Variants in PLXNA2 observed in about 807,000 individuals in gnomAD.
PLXNA2 encodes the protein plexin-A2.
PLXNA2 carries 91 observed loss-of-function variants against 193.5 expected under a neutral mutation model. The ratio of observed to expected loss-of-function variants is 0.47; its 90% CI spans 0.40 to 0.56. The LOEUF is 0.56. Among genes scored for constraint, PLXNA2 ranks in the 20% least tolerant of loss-of-function variants. The pLI is 0.00. For synonymous variants in PLXNA2, 997 were observed against 1,027.3 expected (o/e 0.97, Z 0.56); for missense variants, 1,995 against 2,503.2 (o/e 0.80, Z 4.33).
chr1:208,136,215 C>G (rs575456797), intron 4 of PLXNA2, among the ~76,000 whole-genome samples: 29 of 152,262 alleles, frequency 1.9e-4, no homozygotes, highest in Non-Finnish European at 3.4e-4. Context: ...AGAGATGAGC[C>G]GTCTTCAGTG....
intron 29 of PLXNA2, 113 bp downstream of exon 29, chr1:208,031,462 GAGCTTTGGATCACCC>G: frequency 1.5e-6 from 2 of 1,353,578 alleles, no homozygotes; most frequent in Non-Finnish European, 2.0e-6. Flanking sequence ...TTTGTTCCAG[GAGCTTTGGATCACCC>G]AGCCCCAGCC....
At chr1:208,046,302 T>C (rs1448389798) in intron 17 of PLXNA2, among the ~76,000 whole-genome samples, 185 bp from the exon 18 acceptor site, 1 of 152,206 alleles carries the variant, frequency 6.6e-6, no homozygotes, top group Non-Finnish European at 1.5e-5. Context: ...GGGGGCATTT[T>C]AGCTTCTTCA....
intron 24 of PLXNA2, 55 bp downstream of exon 24, chr1:208,039,566 C>T (rs12091128): frequency 0.014 from 21,966 of 1,607,378 alleles, 955 homozygotes; most frequent in African/African-American, 0.13. Context: ...GAAGGCAGAG[C>T]AAGGGGCAGA....
chr1:208,079,537 G>A (rs1388331605), intron 11 of PLXNA2, 87 bp from the exon 12 acceptor site: 4 of 991,678 alleles, frequency 4.0e-6, no homozygotes, highest in Non-Finnish European at 5.9e-6. Flanking sequence ...AGAAATGATA[G>A]AAACTCTTCC....
chr1:208,243,289 G>T (rs1300611737), intron 1 of PLXNA2, among the ~76,000 whole-genome samples: 1 of 152,126 alleles, frequency 6.6e-6, no homozygotes, highest in Non-Finnish European at 1.5e-5. Flanking sequence ...GGACAGCCTT[G>T]CCGCCCCGAG....
chr1:208,041,739 C>T (rs1664877556), intron 22 of PLXNA2, among the ~76,000 whole-genome samples: 1 of 152,194 alleles, frequency 6.6e-6, no homozygotes, highest in East Asian at 1.9e-4. Flanking sequence ...GAGGAAGAGA[C>T]TGTGAGATAG....
chr1:208,228,458 G>A (rs1671584589), intron 1 of PLXNA2, among the ~76,000 whole-genome samples: 1 of 152,128 alleles, frequency 6.6e-6, no homozygotes, highest in Non-Finnish European at 1.5e-5. Context: ...CCTCTGAGAT[G>A]GACCCTGGTG....
At chr1:208,081,215 G>A (rs142571453) in intron 11 of PLXNA2, among the ~76,000 whole-genome samples, 222 of 152,352 alleles carry the variant, frequency 1.5e-3, no homozygotes, top group African/African-American at 5.1e-3. Flanking sequence ...GCCTGGGTAT[G>A]AGGAGAAATA....
intron 12 of PLXNA2, among the ~76,000 whole-genome samples, chr1:208,075,704 C>T (rs1266638577): frequency 6.6e-6 from 1 of 152,032 alleles, no homozygotes; most frequent in Non-Finnish European, 1.5e-5. Context: ...GTAATTACTT[C>T]TACATTTTTT....
At chr1:208,239,098 G>A (rs1320194729) in intron 1 of PLXNA2, among the ~76,000 whole-genome samples, 1 of 152,052 alleles carries the variant, frequency 6.6e-6, no homozygotes, top group African/African-American at 2.4e-5. Context: ...GTAGTCTCTG[G>A]GAAGTGACGG....
At chr1:208,231,860 G>A (rs73082035) in intron 1 of PLXNA2, among the ~76,000 whole-genome samples, 2,132 of 152,290 alleles carry the variant, frequency 0.014, 54 homozygotes, top group African/African-American at 0.049. Context: ...GCTGCCTGAC[G>A]TTGCAGATGC....
intron 12 of PLXNA2, among the ~76,000 whole-genome samples, chr1:208,071,299 C>T (rs892695383): frequency 1.3e-5 from 2 of 152,216 alleles, no homozygotes; most frequent in Non-Finnish European, 2.9e-5. Flanking sequence ...GGGTTCTGCC[C>T]TGAGGAGCCC....
chr1:208,114,155 T>C (rs1455339105), intron 4 of PLXNA2, among the ~76,000 whole-genome samples: 2 of 152,218 alleles, frequency 1.3e-5, no homozygotes, highest in Non-Finnish European at 2.9e-5. Context: ...TCCCTGGCAC[T>C]GCCTCCCAAC....
intron 3 of PLXNA2, among the ~76,000 whole-genome samples, chr1:208,155,241 CAG>C (rs1668902403): frequency 6.6e-6 from 1 of 152,154 alleles, no homozygotes. Flanking sequence ...GCTGGGGACA[CAG>C]AGGGCCGCAG....
At chr1:208,050,288 C>T (rs372218456) in intron 17 of PLXNA2, among the ~76,000 whole-genome samples, 22 of 152,302 alleles carry the variant, frequency 1.4e-4, no homozygotes, top group African/African-American at 4.8e-4. Flanking sequence ...GTGGAGGATC[C>T]GGAGGTTAAA....
In PLXNA2 at chr1:208,082,596, A is replaced by G. The variant is rs1457550474; in HGVS notation, c.2299-88T>C. ...CAGACAAACCCTGCATGCTGCTCAG[A>G]TTATTATGACGCTCTTTCCCTGAAT... On this transcript the variant is annotated intron_variant, in intron 10 of 31. Transcript: ENST00000367033. This position sits in a 1 kb window ranked among gnomAD's most constrained non-coding sequence, Gnocchi z 4.2. The G allele has an allele frequency of 3.4e-6, 3 of 886,566 alleles. No homozygotes were observed. Among genetic ancestry groups the G allele is most frequent in the Admixed American group, 1.9e-5 (1 of 51,964 alleles). The allele number at this position is 886,566 out of a possible 1,614,324, so 54.9% of individuals were successfully genotyped here. A position where few individuals can be genotyped will look rare whatever the true frequency, so the allele number is the denominator to read the frequency against.
At chr1:208,097,423 C>T (rs1349548107) in intron 6 of PLXNA2, among the ~76,000 whole-genome samples, 1 of 152,188 alleles carries the variant, frequency 6.6e-6, no homozygotes, top group African/African-American at 2.4e-5. Context: ...GTTTGTGCTT[C>T]TCTGTTCCAT....
chr1:208,156,644 A>G (rs981703111), intron 3 of PLXNA2, among the ~76,000 whole-genome samples: 4 of 152,204 alleles, frequency 2.6e-5, no homozygotes, highest in Non-Finnish European at 5.9e-5. Context: ...TGTCTTGTGT[A>G]TAATGTTAAC....
intron 4 of PLXNA2, among the ~76,000 whole-genome samples, chr1:208,130,087 G>T (rs988447452): frequency 6.6e-6 from 1 of 152,210 alleles, no homozygotes; most frequent in African/African-American, 2.4e-5. Context: ...TTTGCAAGGT[G>T]GGGACCAGTC....
Sources: gnomAD v4.1 joint callset for allele counts (sites outside exome capture counted in the v4.1 genomes callset) on GRCh38, gnomAD v4.1.1 for gene constraint, Gnocchi (gnomAD v3.1) non-coding constraint, MANE v1.5 for transcripts, NCBI Gene and HGNC (gene_info 2026-07-23, HGNC 2026-07-21) for gene names.